The following TK2 variants were observed in gnomAD, a reference collection of about 807,000 sequenced individuals.
TK2 encodes thymidine kinase 2.
In TK2, 35 loss-of-function variants were observed where a neutral mutation model predicts 41.9. The ratio of observed to expected loss-of-function variants is 0.84; its 90% CI spans 0.64 to 1.11. TK2 has a LOEUF of 1.11. TK2 is among the 50% of genes least tolerant of loss of function. The pLI is 0.00. For synonymous variants in TK2, 128 were observed against 129.1 expected (o/e 0.99, Z 0.06); for missense variants, 320 against 351.1 (o/e 0.91, Z 0.71).
chr16:66,527,597 G>A (rs867118885), intron 6 of TK2, among the ~76,000 whole-genome samples: 1 of 152,118 alleles, frequency 6.6e-6, no homozygotes, highest in Non-Finnish European at 1.5e-5. Context: ...GGTCCGGGGG[G>A]GTGGGTGGCA....
chr16:66,524,567 G>T (rs1964874317), intron 6 of TK2, among the ~76,000 whole-genome samples: 1 of 152,040 alleles, frequency 6.6e-6, no homozygotes, highest in Non-Finnish European at 1.5e-5. Flanking sequence ...CGAACTCCTG[G>T]CTTCAAGTGA....
At chr16:66,544,462 A>G (rs1965545682) in intron 2 of TK2, among the ~76,000 whole-genome samples, 1 of 152,220 alleles carries the variant, frequency 6.6e-6, no homozygotes, top group Non-Finnish European at 1.5e-5. Flanking sequence ...ATCTTTGAGC[A>G]CGTTTCAACT....
At chr16:66,515,019 C>T (rs992176563) in intron 8 of TK2, among the ~76,000 whole-genome samples, 2 of 152,176 alleles carry the variant, frequency 1.3e-5, no homozygotes, top group Non-Finnish European at 2.9e-5. Context: ...CCCAGGGACA[C>T]AAACACTGCG....
In TK2 at chr16:66,511,984, C is replaced by A. The variant is rs780483040; in HGVS notation, c.782G>T (p.Arg261Leu). The A allele has an allele frequency of 1.7e-5, 28 of 1,614,064 alleles. No homozygotes were observed. Among genetic ancestry groups the A allele is most frequent in the Non-Finnish European group, 2.3e-5 (27 of 1,180,034 alleles). Residue 261 changes from arginine to leucine, a missense_variant, in exon 10 of 10, where the codon CGG becomes CTG. Transcript: ENST00000544898. ...TTTTGCCTCCTATGGGCAATGCTTCCGATTCTCTGGAGTTAATATTCGATC... is the reference window on the plus strand; with the variant it reads ...TTTTGCCTCCTATGGGCAATGCTTCAGATTCTCTGGAGTTAATATTCGATC... Reference protein sequence around the residue: ...NRDRILTPENRKHCP With the variant: ...NRDRILTPENLKHCP
At position 66,531,391 on chromosome 16, in the gene TK2, T is replaced by C. The variant is rs1454524618; in HGVS notation, c.364A>G (p.Thr122Ala). The C allele has an allele frequency of 2.5e-6, 4 of 1,613,906 alleles. No homozygotes were observed. The highest frequency in any genetic ancestry group is 1.7e-5 in the Admixed American group (1 of 59,986). ...YVQLTMLDRH[T>A]RPQVSSVRLM... The stretch of plus-strand genomic sequence containing the variant: ...CATCTGAAACCTACCTGAGGACGAG[T>C]ATGCCTGTCCAGCATGGTGAGCTGC... The change falls in exon 5 of 10, where the codon ACT becomes GCT. Residue 122 changes from threonine to alanine, a missense_variant. Coordinates refer to ENST00000544898, the MANE Select transcript of TK2 (RefSeq NM_004614.5).
chr16:66,537,106 AG>A (rs1567536936), intron 3 of TK2, 89 bp from the exon 4 acceptor site: 3 of 1,563,764 alleles, frequency 1.9e-6, no homozygotes, highest in Non-Finnish European at 2.6e-6. Flanking sequence ...TGAGGAGAGA[AG>A]GGAAAAAGAG....
intron 3 of TK2, among the ~76,000 whole-genome samples, chr16:66,541,158 T>G (rs1171768059): frequency 6.6e-6 from 1 of 152,222 alleles, no homozygotes; most frequent in East Asian, 1.9e-4. Flanking sequence ...CATAAATGAA[T>G]TTCGTGTTTT....
At chr16:66,539,205 C>T (rs989833685) in intron 3 of TK2, among the ~76,000 whole-genome samples, 2 of 152,122 alleles carry the variant, frequency 1.3e-5, no homozygotes, top group African/African-American at 2.4e-5. Flanking sequence ...CCCAAGCCCC[C>T]CCTCCTCCCC....
At chr16:66,549,890 G>C in intron 1 of TK2, 48 bp downstream of exon 1, 1 of 1,315,436 alleles carries the variant, frequency 7.6e-7, no homozygotes, top group Non-Finnish European at 9.6e-7. Context: ...GCCGGGAGTA[G>C]GTGGGCGCAT....
chr16:66,532,007 T>TA (rs1442394443), intron 4 of TK2, among the ~76,000 whole-genome samples: 1 of 151,556 alleles, frequency 6.6e-6, no homozygotes, highest in African/African-American at 2.4e-5. Context: ...ACCTATTGGG[T>TA]ACTATGCTCA....
intron 1 of TK2, chr16:66,549,260 C>G: frequency 7.5e-7 from 1 of 1,324,924 alleles, no homozygotes. Flanking sequence ...TTATACTTTG[C>G]ATTTTCCACG....
chr16:66,541,499 C>T (rs1454133891), intron 3 of TK2, among the ~76,000 whole-genome samples: 4 of 152,130 alleles, frequency 2.6e-5, no homozygotes, highest in Non-Finnish European at 2.9e-5. Context: ...GATCTCAGCT[C>T]ACTGCAACCT....
At chr16:66,548,060 C>G (rs1382894269) in intron 2 of TK2, 1 of 749,790 alleles carries the variant, frequency 1.3e-6, no homozygotes, top group Non-Finnish European at 2.0e-6. Context: ...CAGCAAGACG[C>G]CGTCTCTTAA....
At chr16:66,547,591 C>T (rs1965647067) in intron 2 of TK2, among the ~76,000 whole-genome samples, 3 of 152,052 alleles carry the variant, frequency 2.0e-5, no homozygotes, top group Admixed American at 2.0e-4. Context: ...TCCTCTCAGT[C>T]ATCAGCCCCC....
chr16:66,517,288 G>C lies in TK2; in HGVS notation c.539-73C>G. 7.5e-7 allele frequency: 1 copy of C among 1,340,638 alleles called. No individual in the cohort carries two copies. Among genetic ancestry groups the C allele is most frequent in the Non-Finnish European group, 1.1e-6 (1 of 931,278 alleles). 83.0% of individuals were successfully genotyped at this position (1,340,638 alleles called of 1,614,324 possible). ...GAAGCAAAGCAGGCACACAGGCAAA[G>C]GCGGGAGGAAGGTCTGCACAGCTCG... On this transcript the variant is annotated intron_variant, in intron 7 of 9. Coordinates refer to ENST00000544898, the MANE Select transcript of TK2 (RefSeq NM_004614.5). This position sits in a 1 kb window ranked among gnomAD's most constrained non-coding sequence, Gnocchi z 4.3.
At chr16:66,526,567 C>T (rs1051877002) in intron 6 of TK2, among the ~76,000 whole-genome samples, 1 of 152,104 alleles carries the variant, frequency 6.6e-6, no homozygotes, top group Non-Finnish European at 1.5e-5. Context: ...CTGGGCAACA[C>T]AGGGAGACCC....
intron 1 of TK2, chr16:66,549,401 C>T: frequency 9.1e-7 from 1 of 1,100,438 alleles, no homozygotes; most frequent in African/African-American, 1.6e-5. Flanking sequence ...TTCCTCTAGG[C>T]CCAGGGCGGG....
chr16:66,514,523 C>T lies in TK2; in HGVS notation c.619-712G>A, dbSNP rs565063349. Among the ~76,000 whole-genome samples, 556 of 152,330 alleles carry T rather than the reference C, an allele frequency of 3.6e-3. 2 individuals carry two copies. The highest frequency in any genetic ancestry group is 0.012 in the African/African-American group (502 of 41,580). On this transcript the variant is annotated intron_variant, in intron 8 of 9. Coordinates refer to ENST00000544898, the MANE Select transcript of TK2 (RefSeq NM_004614.5). This position sits in a 1 kb window ranked among gnomAD's most constrained non-coding sequence, Gnocchi z 4.2. ...GCCTCCCAAAGTGCCGAGATTGCAG[C>T]CTCTGCCCGGCTGCCACCCCGTCTA...
In TK2 at chr16:66,528,892, C is replaced by T. The variant is rs188555340; in HGVS notation, c.449+102G>A. The T allele has an allele frequency of 1.1e-4, 120 of 1,117,336 alleles. No homozygotes were observed. In the East Asian group the frequency reaches 2.5e-3, roughly 24 times the overall value. The allele number at this position is 1,117,336 out of a possible 1,614,324, so 69.2% of individuals were successfully genotyped here. A position where few individuals can be genotyped will look rare whatever the true frequency, so the allele number is the denominator to read the frequency against. On this transcript the variant is annotated intron_variant, in intron 6 of 9. Coordinates refer to ENST00000544898, the MANE Select transcript of TK2 (RefSeq NM_004614.5). The stretch of plus-strand genomic sequence containing the variant: ...TTGCTATGGCAATGGATAACTGATA[C>T]AACAGCGGGTACTCCATATCTGTCA...
Sources: allele counts gnomAD v4.1 joint callset (sites outside exome capture counted in the v4.1 genomes callset), GRCh38; gene constraint gnomAD v4.1.1; non-coding constraint Gnocchi (gnomAD v3.1); transcripts MANE v1.5; gene names NCBI Gene and HGNC (gene_info 2026-07-23, HGNC 2026-07-21).